The following NCAM2 variants were observed in gnomAD, a reference collection of about 807,000 sequenced individuals.
NCAM2 encodes the protein neural cell adhesion molecule 2, also known as N-CAM-2.
In NCAM2, 30 loss-of-function variants were observed where a neutral mutation model predicts 98.1. That is an observed-to-expected ratio of 0.31 (90% CI 0.23 to 0.41). The LOEUF is 0.41. NCAM2 is among the 10% of genes least tolerant of loss of function. The pLI is 1.00. For synonymous variants in NCAM2, 368 were observed against 342.4 expected (o/e 1.07, Z -0.83); for missense variants, 867 against 1,005.8 (o/e 0.86, Z 1.87).
chr21:21,147,016 G>C, intron 1 of NCAM2: 1 of 812,628 alleles, frequency 1.2e-6, no homozygotes, highest in East Asian at 1.6e-4. Context: ...TGGACTTCCT[G>C]AAATCTCGCG....
At chr21:21,158,393 A>T (rs1258411201) in intron 1 of NCAM2, among the ~76,000 whole-genome samples, 1 of 152,058 alleles carries the variant, frequency 6.6e-6, no homozygotes, top group Admixed American at 6.6e-5. Flanking sequence ...TGGGCAGATC[A>T]TGAGGTCAAG....
chr21:21,221,240 A>G (rs952783157), intron 1 of NCAM2, among the ~76,000 whole-genome samples: 1 of 152,054 alleles, frequency 6.6e-6, no homozygotes, highest in African/African-American at 2.4e-5. Flanking sequence ...CTATTCTCCA[A>G]CACATAATAA....
intron 9 of NCAM2, among the ~76,000 whole-genome samples, chr21:21,387,966 A>T (rs1399468970): frequency 6.6e-6 from 1 of 152,228 alleles, no homozygotes; most frequent in Admixed American, 6.5e-5. Context: ...ACCCAAAAAC[A>T]CAGTGTCATA....
chr21:21,377,918 A>G (rs2076068776), intron 9 of NCAM2, among the ~76,000 whole-genome samples: 1 of 151,970 alleles, frequency 6.6e-6, no homozygotes, highest in Admixed American at 6.6e-5. Context: ...TCCACAGTTA[A>G]GGAAGATTAT....
chr21:21,291,908 A>G (rs2073311493), intron 4 of NCAM2, among the ~76,000 whole-genome samples, 196 bp from the exon 5 acceptor site: 1 of 151,580 alleles, frequency 6.6e-6, no homozygotes, highest in Admixed American at 6.6e-5. Flanking sequence ...GAAAAAAAAA[A>G]AGGTGTAACA....
At chr21:21,051,436 A>T (rs1041948334) in intron 1 of NCAM2, among the ~76,000 whole-genome samples, 1 of 152,250 alleles carries the variant, frequency 6.6e-6, no homozygotes, top group African/African-American at 2.4e-5. Context: ...TGGGATACTC[A>T]CATAGAGTTA....
intron 12 of NCAM2, among the ~76,000 whole-genome samples, chr21:21,441,977 A>G (rs1368756271): frequency 6.6e-6 from 1 of 152,166 alleles, no homozygotes; most frequent in African/African-American, 2.4e-5. Context: ...AGACTCTTGT[A>G]TCTTTTCTCA....
chr21:21,315,398 C>T (rs1451443634), intron 5 of NCAM2, among the ~76,000 whole-genome samples: 1 of 152,134 alleles, frequency 6.6e-6, no homozygotes, highest in Non-Finnish European at 1.5e-5. Context: ...TAGGTCACCA[C>T]TTTTTAGTCC....
chr21:21,084,865 A>G (rs1227495724), intron 1 of NCAM2, among the ~76,000 whole-genome samples: 2 of 152,206 alleles, frequency 1.3e-5, no homozygotes, highest in African/African-American at 4.8e-5. Context: ...GGCTTATAGT[A>G]AAAATAGTAC....
chr21:21,160,155 A>G (rs776881341), intron 1 of NCAM2, among the ~76,000 whole-genome samples: 6 of 152,044 alleles, frequency 3.9e-5, no homozygotes, highest in Non-Finnish European at 5.9e-5. Flanking sequence ...CTGTTACTAT[A>G]TTTTATTTAA....
At chr21:21,066,516 G>A (rs979566730) in intron 1 of NCAM2, among the ~76,000 whole-genome samples, 1 of 152,080 alleles carries the variant, frequency 6.6e-6, no homozygotes, top group African/African-American at 2.4e-5. Context: ...ATGGGACACA[G>A]CTAAAAAATG....
intron 1 of NCAM2, among the ~76,000 whole-genome samples, chr21:21,080,760 A>C (rs1178055308): frequency 1.3e-5 from 2 of 150,864 alleles, no homozygotes; most frequent in Non-Finnish European, 2.9e-5. Context: ...TGTTGTGACT[A>C]TCCGTGAGCT....
intron 5 of NCAM2, among the ~76,000 whole-genome samples, chr21:21,300,143 A>C (rs1429770568): frequency 8.2e-6 from 1 of 121,298 alleles, no homozygotes; most frequent in Admixed American, 9.4e-5. Context: ...CTGTATAGTC[A>C]TGTAAATGCC....
chr21:21,420,454 A>T (rs2077088750), intron 11 of NCAM2, among the ~76,000 whole-genome samples: 1 of 151,978 alleles, frequency 6.6e-6, no homozygotes, highest in Non-Finnish European at 1.5e-5. Context: ...GTCTTCTAAG[A>T]CTAGGTAAAG....
Position 21,408,350 on chromosome 21 carries a change from T to G in NCAM2, c.1196-1924T>G, listed in dbSNP as rs543039894. Among the ~76,000 whole-genome samples, 6 of 152,328 alleles carry G rather than the reference T, an allele frequency of 3.9e-5. No homozygotes were observed. In the South Asian group the frequency reaches 1.2e-3, roughly 32 times the overall value. ...TATTTAGCACACCTAAGTACAAAGATGTACCACCATTTATGGGATGTTAAG... is the reference window on the plus strand; with the variant it reads ...TATTTAGCACACCTAAGTACAAAGAGGTACCACCATTTATGGGATGTTAAG... On this transcript the variant is annotated intron_variant, in intron 9 of 17. Coordinates refer to ENST00000400546, the MANE Select transcript of NCAM2 (RefSeq NM_004540.5).
At chr21:21,177,353 T>C (rs1283138000) in intron 1 of NCAM2, among the ~76,000 whole-genome samples, 2 of 16,904 alleles carry the variant, frequency 1.2e-4, no homozygotes, top group Admixed American at 1.8e-3. Context: ...TGACTCAAAA[T>C]CCATATTTAT....
At chr21:21,386,941 C>CT (rs1472902957) in intron 9 of NCAM2, among the ~76,000 whole-genome samples, 2 of 152,166 alleles carry the variant, frequency 1.3e-5, no homozygotes, top group Non-Finnish European at 2.9e-5. Flanking sequence ...CCCTTGCTTT[C>CT]TGTCCTTTCT....
intron 1 of NCAM2, among the ~76,000 whole-genome samples, chr21:21,053,646 T>A (rs1035456600): frequency 6.7e-6 from 1 of 150,062 alleles, no homozygotes; most frequent in Non-Finnish European, 1.5e-5. Context: ...TGCGCTATCA[T>A]TTTTTCCCTC....
intron 15 of NCAM2, among the ~76,000 whole-genome samples, chr21:21,494,473 A>G (rs1987074546): frequency 6.6e-6 from 1 of 151,990 alleles, no homozygotes; most frequent in East Asian, 1.9e-4. Flanking sequence ...GGTCATATTC[A>G]TGCAAATCTT....
Sources: gnomAD v4.1 joint callset for allele counts (sites outside exome capture counted in the v4.1 genomes callset) on GRCh38, gnomAD v4.1.1 for gene constraint, MANE v1.5 for transcripts, NCBI Gene and HGNC (gene_info 2026-07-23, HGNC 2026-07-21) for gene names.